Variants in TMED2 observed in about 807,000 individuals in gnomAD.
The protein encoded by TMED2 is transmembrane emp24 domain-containing protein 2.
TMED2 carries 3 observed loss-of-function variants against 17.5 expected under a neutral mutation model. The observed-to-expected ratio is 0.17, with a 90% CI of 0.08 to 0.44. The LOEUF (loss-of-function observed/expected upper bound fraction) is 0.44. TMED2 is among the 20% of genes least tolerant of loss of function. The pLI, the probability that TMED2 is intolerant of heterozygous loss-of-function variation, is 0.99. For missense variants in TMED2, 149 were observed against 254.8 expected (o/e 0.58, Z 2.83); for synonymous variants, 95 against 91.0 (o/e 1.04, Z -0.25).
In TMED2 at chr12:123,596,688, T is replaced by A; in HGVS notation, c.565T>A (p.Tyr189Asn). The A allele has an allele frequency of 6.2e-7, 1 of 1,611,228 alleles. No homozygotes were observed. Among genetic ancestry groups the A allele is most frequent in the Non-Finnish European group, 8.5e-7 (1 of 1,178,952 alleles). The part of the protein sequence containing the change: ...VLVAMTLGQI[Y>N]YLKRFFEVRR... Reference sequence around the variant, plus strand: ...AGTTGCCATGACATTGGGACAGATCTACTACCTGAAGAGATTTTTTGAAGT... The same window carrying A: ...AGTTGCCATGACATTGGGACAGATCAACTACCTGAAGAGATTTTTTGAAGT... Residue 189 changes from tyrosine (Y) to asparagine (N), a missense_variant, in exon 4 of 4, where the codon TAC (tyrosine) becomes AAC (asparagine). Physicochemically the swap from Tyr to Asn is moderately radical, Grantham distance 143. Transcript: ENST00000262225.
chr12:123,588,214 A>G (rs1306817387), intron 2 of TMED2, among the ~76,000 whole-genome samples: 1 of 151,148 alleles, frequency 6.6e-6, no homozygotes, highest in Non-Finnish European at 1.5e-5. Context: ...TTTTCCCCAC[A>G]GTGCATGCCA....
At chr12:123,590,569 A>G (rs969816586) in intron 3 of TMED2, 120 bp downstream of exon 3, 1 of 684,842 alleles carries the variant, frequency 1.5e-6, no homozygotes, top group Admixed American at 3.1e-5. Flanking sequence ...CATTGACTTT[A>G]AAAGTGTACC....
chr12:123,586,739 G>A lies in TMED2; in HGVS notation c.181-8G>A, dbSNP rs751168160. ...GTGACATTTTATGCATTTCTCTCTT[G>A]CCTCCAGATTACAGGACCAGATAAC... On this transcript the variant is annotated splice_polypyrimidine_tract_variant and splice_region_variant and intron_variant, in intron 1 of 3. Transcript: ENST00000262225. 21 of 1,576,306 alleles carry A rather than the reference G, an allele frequency of 1.3e-5. No individual in the cohort carries two copies. Among genetic ancestry groups the A allele is most frequent in the Non-Finnish European group, 1.7e-5 (20 of 1,159,754 alleles).
intron 2 of TMED2, 108 bp from the exon 3 acceptor site, chr12:123,590,234 G>T: frequency 2.7e-6 from 2 of 749,724 alleles, no homozygotes; most frequent in Non-Finnish European, 4.0e-6. Context: ...AGTGAGCTGA[G>T]ATTGAGCACC....
intron 2 of TMED2, among the ~76,000 whole-genome samples, 166 bp from the exon 3 acceptor site, chr12:123,590,176 T>C (rs1301305181): frequency 6.6e-6 from 1 of 150,774 alleles, no homozygotes; most frequent in Non-Finnish European, 1.5e-5. Flanking sequence ...CCAGCTACTC[T>C]GGAGGCTGAG....
rs747312648 is a variant in TMED2, at chr12:123,590,338, A to G, written c.374-4A>G. The G allele has an allele frequency of 1.4e-5, 22 of 1,592,146 alleles. No individual in the cohort carries two copies. Among genetic ancestry groups the G allele is most frequent in the Middle Eastern group, 1.7e-4 (1 of 5,968 alleles). On this transcript the variant is annotated splice_polypyrimidine_tract_variant and splice_region_variant and intron_variant, in intron 2 of 3. Coordinates refer to ENST00000262225, the MANE Select transcript of TMED2 (RefSeq NM_006815.4). ...ATGTGTTTTGTTTTCAAATCCTTCTATAGCTCACCAGAACAAGCTAGAAGA... is the reference window on the plus strand; with the variant it reads ...ATGTGTTTTGTTTTCAAATCCTTCTGTAGCTCACCAGAACAAGCTAGAAGA...
intron 3 of TMED2, among the ~76,000 whole-genome samples, chr12:123,591,752 G>A (rs1038347566): frequency 1.3e-5 from 2 of 151,792 alleles, no homozygotes; most frequent in African/African-American, 2.4e-5. Context: ...ATTGCACTCC[G>A]GCCTGGCGAC....
intron 3 of TMED2, among the ~76,000 whole-genome samples, chr12:123,591,498 A>C (rs1953392113): frequency 1.3e-5 from 2 of 152,154 alleles, no homozygotes; most frequent in African/African-American, 4.8e-5. Flanking sequence ...GAAAAGAGCA[A>C]GGTGGCTGGG....
At chr12:123,592,740 G>A (rs1398503475) in intron 3 of TMED2, among the ~76,000 whole-genome samples, 1 of 152,182 alleles carries the variant, frequency 6.6e-6, no homozygotes, top group Non-Finnish European at 1.5e-5. Flanking sequence ...ATATATGAGT[G>A]GCATGAGGAC....
chr12:123,596,074 A>G (rs993375412), intron 3 of TMED2, among the ~76,000 whole-genome samples: 1 of 152,190 alleles, frequency 6.6e-6, no homozygotes, highest in East Asian at 1.9e-4. Flanking sequence ...TATTTAGAGT[A>G]TAGGTGACCC....
In TMED2 at chr12:123,595,795, G is replaced by A. The variant is rs150015387; in HGVS notation, c.482-810G>A. ...ATCTTTGCTTCTACTTTGGGAGGCT[G>A]AGGCAGGAGGATCAGTTGAGGCCAG... On this transcript the variant is annotated intron_variant, in intron 3 of 3. Coordinates refer to ENST00000262225, the MANE Select transcript of TMED2 (RefSeq NM_006815.4). 1.2e-3 allele frequency among the ~76,000 whole-genome samples: 186 copies of A among 152,210 alleles called. 1 individual carries two copies. The highest frequency in any genetic ancestry group is 4.1e-3 in the African/African-American group (171 of 41,540).
At chr12:123,596,470 G>A (rs900544013) in intron 3 of TMED2, 135 bp from the exon 4 acceptor site, 76 of 1,172,104 alleles carry the variant, frequency 6.5e-5, no homozygotes, top group African/African-American at 7.9e-5. Context: ...CCCATCGTAA[G>A]TTGAGGAACA....
At chr12:123,591,084 T>C (rs567294112) in intron 3 of TMED2, among the ~76,000 whole-genome samples, 61 of 152,168 alleles carry the variant, frequency 4.0e-4, no homozygotes, top group African/African-American at 1.4e-3. Flanking sequence ...TGTTGTAAAA[T>C]GCGTATTGCA....
At chr12:123,584,971 G>A (rs1886311839) in intron 1 of TMED2, 155 bp downstream of exon 1, 4 of 975,582 alleles carry the variant, frequency 4.1e-6, no homozygotes, top group Non-Finnish European at 5.9e-6. Flanking sequence ...GCCCCGCCCC[G>A]GCCACGGCGA....
intron 1 of TMED2, 152 bp from the exon 2 acceptor site, chr12:123,586,595 C>G: frequency 1.6e-6 from 1 of 619,938 alleles, no homozygotes; most frequent in South Asian, 3.0e-5. Context: ...AGTGATCTGC[C>G]TGCCTTGGCC....
In TMED2 at chr12:123,597,155, G is replaced by C. The variant is rs537764828; in HGVS notation, c.*426G>C. The C allele has an allele frequency of 6.6e-6, 1 of 152,662 alleles. No homozygotes were observed. Among genetic ancestry groups the C allele is most frequent in the Admixed American group, 6.5e-5 (1 of 15,298 alleles). The allele number at this position is 152,662 out of a possible 1,614,324, so 9.5% of individuals were successfully genotyped here. Reference sequence around the variant, plus strand: ...TTCAAGTCACTAAAGATTCATTTTTGTTGAGTCCTTATGAGAAACAGCAGT... The same window carrying C: ...TTCAAGTCACTAAAGATTCATTTTTCTTGAGTCCTTATGAGAAACAGCAGT... On this transcript the variant is annotated 3_prime_UTR_variant, in exon 4 of 4. Transcript: ENST00000262225.
chr12:123,593,850 C>G (rs911110660), intron 3 of TMED2, among the ~76,000 whole-genome samples: 8 of 152,136 alleles, frequency 5.3e-5, no homozygotes, highest in Non-Finnish European at 1.0e-4. Flanking sequence ...GCCTGTAGTG[C>G]TGTGCTGACA....
Sources: allele counts gnomAD v4.1 joint callset (sites outside exome capture counted in the v4.1 genomes callset), GRCh38; gene constraint gnomAD v4.1.1; transcripts MANE v1.5; gene names NCBI Gene and HGNC (gene_info 2026-07-23, HGNC 2026-07-21).